The following MDFIC variants were observed in gnomAD, a reference collection of about 807,000 sequenced individuals.
MDFIC encodes MyoD family inhibitor domain containing, also known as myoD family inhibitor domain-containing protein.
A neutral mutation model predicts 23.2 loss-of-function variants in MDFIC; 17 were observed. The observed-to-expected ratio is 0.73, with a 90% CI of 0.50 to 1.10. MDFIC has a LOEUF of 1.10. MDFIC is among the 50% of genes least tolerant of loss of function. The pLI is 0.00. For synonymous variants in MDFIC, 120 were observed against 115.2 expected, an observed-to-expected ratio of 1.04 and a Z score of -0.27; for missense variants, 356 against 316.6, an observed-to-expected ratio of 1.12 and a Z score of -0.95.
intron 4 of MDFIC, among the ~76,000 whole-genome samples, chr7:114,990,935 CAATGGT>C (rs1477937595): frequency 6.6e-6 from 1 of 151,912 alleles, no homozygotes; most frequent in East Asian, 1.9e-4. Context: ...CTGTTTTCCA[CAATGGT>C]TGAACTAGTT....
In MDFIC at chr7:114,962,717, C is replaced by T. The variant is rs1793017114; in HGVS notation, c.218-16789C>T. On this transcript the variant is annotated intron_variant, in intron 3 of 4. Transcript: ENST00000393486. ...ACTGCTAGAGAATTATGTGTTTTAA[C>T]CGAGTAAAGGAACCAGATTTACGAA... is the stretch of plus-strand genomic sequence containing the variant. 2.0e-5 allele frequency among the ~76,000 whole-genome samples: 3 copies of T among 152,006 alleles called. No homozygotes were observed. In the South Asian group the frequency reaches 6.2e-4, roughly 32 times the overall value.
chr7:114,955,476 T>C (rs1792865959), intron 3 of MDFIC, among the ~76,000 whole-genome samples: 1 of 152,182 alleles, frequency 6.6e-6, no homozygotes, highest in African/African-American at 2.4e-5. Context: ...ACTCATTAAT[T>C]TCAAAATTGT....
intron 3 of MDFIC, among the ~76,000 whole-genome samples, chr7:114,960,752 A>G (rs1484541830): frequency 1.3e-5 from 2 of 152,176 alleles, no homozygotes; most frequent in Non-Finnish European, 2.9e-5. Flanking sequence ...CAGATTCAAT[A>G]TGTATATTCT....
At chr7:114,938,792 CA>C (rs1792483525) in intron 2 of MDFIC, among the ~76,000 whole-genome samples, 1 of 1,966 alleles carries the variant, frequency 5.1e-4, no homozygotes, top group African/African-American at 5.8e-4. Flanking sequence ...GGTTGTCTTT[CA>C]GGTCTACCCT....
At chr7:114,926,583 ATG>A (rs2115678594) in intron 2 of MDFIC, among the ~76,000 whole-genome samples, 1 of 152,264 alleles carries the variant, frequency 6.6e-6, no homozygotes, top group Non-Finnish European at 1.5e-5. Context: ...TAATGTGATA[ATG>A]TGTGATTTAA....
chr7:114,973,091 G>C (rs62470664), intron 3 of MDFIC, among the ~76,000 whole-genome samples: 1 of 106,230 alleles, frequency 9.4e-6, no homozygotes, highest in African/African-American at 3.8e-5. Context: ...TTTATGTATC[G>C]TGTGTGTGTG....
chr7:114,923,038 C>T lies in MDFIC; in HGVS notation c.5C>T (p.Ser2Phe). The T allele has an allele frequency of 2.2e-6, 3 of 1,370,290 alleles. No individual in the cohort carries two copies. Among genetic ancestry groups the T allele is most frequent in the Non-Finnish European group, 1.9e-6 (2 of 1,064,242 alleles). 84.9% of individuals were successfully genotyped at this position (1,370,290 alleles called of 1,614,324 possible). A position where few individuals can be genotyped will look rare whatever the true frequency, so the allele number is the denominator to read the frequency against. M[S>F]GAGEALAPGP... ...GCGGGCTCGGCGGAGCGGCCCATGT[C>T]CGGCGCGGGCGAAGCCCTCGCTCCC... is the stretch of plus-strand genomic sequence containing the variant. Residue 2 changes from serine to phenylalanine, a missense_variant, in exon 2 of 5, where the codon TCC (serine) becomes TTC (phenylalanine). By Grantham distance (155) the Ser-to-Phe change is radical. Transcript: ENST00000393486.
chr7:114,955,791 A>G (rs1340737383), intron 3 of MDFIC, among the ~76,000 whole-genome samples: 2 of 152,190 alleles, frequency 1.3e-5, no homozygotes, highest in African/African-American at 4.8e-5. Flanking sequence ...CAGTTCATGC[A>G]TATTAAAAGA....
In MDFIC at chr7:115,016,257, C is replaced by A. The variant is rs901085159; in HGVS notation, c.*322C>A. On this transcript the variant is annotated 3_prime_UTR_variant, in exon 5 of 5. Coordinates refer to ENST00000393486, the MANE Select transcript of MDFIC (RefSeq NM_001166345.3). Reference sequence around the variant, plus strand: ...TGTTTCTTTTAACCGTTCTCAGGAGCACTTTGCTCCAAATATATTATTTTT... The same window carrying A: ...TGTTTCTTTTAACCGTTCTCAGGAGAACTTTGCTCCAAATATATTATTTTT... 5 of 268,106 alleles carry A rather than the reference C, an allele frequency of 1.9e-5. No homozygotes were observed. Among genetic ancestry groups the A allele is most frequent in the Non-Finnish European group, 2.9e-5 (4 of 139,826 alleles). 16.6% of individuals were successfully genotyped at this position (268,106 alleles called of 1,614,324 possible).
At chr7:114,984,252 C>G (rs1161742675) in intron 4 of MDFIC, among the ~76,000 whole-genome samples, 1 of 152,172 alleles carries the variant, frequency 6.6e-6, no homozygotes, top group African/African-American at 2.4e-5. Flanking sequence ...AAAAACAACT[C>G]TCACACCTGT....
chr7:114,931,344 T>G (rs1792305132), intron 2 of MDFIC, among the ~76,000 whole-genome samples: 1 of 152,238 alleles, frequency 6.6e-6, no homozygotes, highest in Admixed American at 6.5e-5. Flanking sequence ...GCCCACATGA[T>G]CTCAAGTGAG....
At chr7:114,967,535 T>C (rs891389109) in intron 3 of MDFIC, among the ~76,000 whole-genome samples, 4 of 152,240 alleles carry the variant, frequency 2.6e-5, no homozygotes, top group Non-Finnish European at 4.4e-5. Context: ...AAATCAATAA[T>C]AGTAGAGCTG....
intron 3 of MDFIC, among the ~76,000 whole-genome samples, chr7:114,978,607 T>C (rs945206538): frequency 6.6e-6 from 1 of 152,098 alleles, no homozygotes; most frequent in African/African-American, 2.4e-5. Context: ...AGGAGCATTG[T>C]TGATTTTATA....
chr7:114,952,889 T>C (rs564637191), intron 3 of MDFIC, among the ~76,000 whole-genome samples: 3 of 152,318 alleles, frequency 2.0e-5, no homozygotes, highest in Admixed American at 1.3e-4. Context: ...TCCTTCAGCA[T>C]TGCAAAGGCG....
intron 3 of MDFIC, among the ~76,000 whole-genome samples, chr7:114,959,684 T>C (rs1391865350): frequency 6.6e-6 from 1 of 152,024 alleles, no homozygotes; most frequent in Admixed American, 6.6e-5. Flanking sequence ...TTCACACACA[T>C]AATGATTATG....
intron 4 of MDFIC, among the ~76,000 whole-genome samples, chr7:114,997,430 G>A (rs566722575): frequency 7.9e-5 from 12 of 151,808 alleles, no homozygotes; most frequent in African/African-American, 1.7e-4. Context: ...GTGTGTGCGC[G>A]CGTGTGTTTT....
intron 3 of MDFIC, among the ~76,000 whole-genome samples, chr7:114,963,097 G>T (rs1793026630): frequency 6.6e-6 from 1 of 152,124 alleles, no homozygotes; most frequent in Non-Finnish European, 1.5e-5. Flanking sequence ...TATTGGGAGT[G>T]CCTCAGTTTG....
intron 4 of MDFIC, among the ~76,000 whole-genome samples, chr7:115,015,253 A>C (rs1469202388): frequency 6.6e-6 from 1 of 152,220 alleles, no homozygotes; most frequent in Admixed American, 6.5e-5. Flanking sequence ...GTTCTTTTCC[A>C]ATTTTAGAGC....
At chr7:114,996,309 AT>A (rs544188636) in intron 4 of MDFIC, among the ~76,000 whole-genome samples, 66 of 152,226 alleles carry the variant, frequency 4.3e-4, no homozygotes, top group African/African-American at 1.4e-3. Flanking sequence ...ATTTGGGTTT[AT>A]TTTTAAGGCA....
Sources: allele counts gnomAD v4.1 joint callset (sites outside exome capture counted in the v4.1 genomes callset), GRCh38; gene constraint gnomAD v4.1.1; transcripts MANE v1.5; gene names NCBI Gene and HGNC (gene_info 2026-07-23, HGNC 2026-07-21).